Variants in HPSE2 observed in about 807,000 individuals in gnomAD.
HPSE2 encodes heparanase 2 (inactive).
HPSE2 carries 38 observed loss-of-function variants against 60.5 expected under a neutral mutation model. The observed-to-expected ratio is 0.63, with a 90% CI of 0.48 to 0.82. HPSE2 has a LOEUF of 0.82. Ranked by LOEUF, HPSE2 falls within the 40% of genes least tolerant of loss-of-function variation. The pLI, the probability that HPSE2 is intolerant of heterozygous loss-of-function variation, is 0.00. For synonymous variants in HPSE2, 295 were observed against 293.2 expected, an observed-to-expected ratio of 1.01 and a Z score of -0.06; for missense variants, 713 against 740.4, an observed-to-expected ratio of 0.96 and a Z score of 0.43.
intron 6 of HPSE2, among the ~76,000 whole-genome samples, chr10:98,651,755 C>T (rs1946921563): frequency 1.3e-5 from 2 of 150,628 alleles, no homozygotes; most frequent in African/African-American, 2.4e-5. Flanking sequence ...GGGTAGATCC[C>T]CTTTAAAGAA....
At chr10:98,983,781 G>A (rs1956265979) in intron 3 of HPSE2, among the ~76,000 whole-genome samples, 1 of 152,164 alleles carries the variant, frequency 6.6e-6, no homozygotes, top group South Asian at 2.1e-4. Flanking sequence ...GGAAAATCGG[G>A]TCACTCCCAC....
intron 3 of HPSE2, among the ~76,000 whole-genome samples, chr10:98,878,910 C>T (rs7902180): frequency 0.85 from 129,776 of 151,818 alleles, 55,884 homozygotes; most frequent in African/African-American, 0.95. Flanking sequence ...GTGAGAGAGA[C>T]TGGAGGATAG....
intron 3 of HPSE2, among the ~76,000 whole-genome samples, chr10:98,815,624 T>C (rs1247629758): frequency 6.6e-6 from 1 of 152,094 alleles, no homozygotes; most frequent in Non-Finnish European, 1.5e-5. Flanking sequence ...AGAAATAAAA[T>C]GGTCCTTACA....
chr10:98,712,713 C>A (rs1262787676), intron 5 of HPSE2, among the ~76,000 whole-genome samples: 3 of 152,100 alleles, frequency 2.0e-5, no homozygotes, highest in Non-Finnish European at 4.4e-5. Flanking sequence ...ACTTTAAATG[C>A]TTCCCATAGC....
chr10:98,935,666 T>C (rs1330474585), intron 3 of HPSE2, among the ~76,000 whole-genome samples: 2 of 144,254 alleles, frequency 1.4e-5, no homozygotes, highest in Non-Finnish European at 3.0e-5. Context: ...GGAAGCTTCA[T>C]CCCAGAGGGG....
intron 3 of HPSE2, among the ~76,000 whole-genome samples, chr10:99,142,867 C>A (rs1217471597): frequency 6.6e-6 from 1 of 151,944 alleles, no homozygotes. Context: ...AAGGTCTGAC[C>A]CCTCTTATAA....
At chr10:98,781,610 A>T (rs1950472166) in intron 3 of HPSE2, among the ~76,000 whole-genome samples, 2 of 152,220 alleles carry the variant, frequency 1.3e-5, no homozygotes, top group African/African-American at 4.8e-5. Flanking sequence ...AACATATAAA[A>T]ATACATATTT....
chr10:98,644,348 G>T (rs780087486), intron 6 of HPSE2, among the ~76,000 whole-genome samples: 2 of 152,192 alleles, frequency 1.3e-5, no homozygotes, highest in Non-Finnish European at 2.9e-5. Flanking sequence ...ACACTGAAAG[G>T]CCATGGGATG....
intron 6 of HPSE2, among the ~76,000 whole-genome samples, chr10:98,669,930 G>A (rs1391725384): frequency 6.6e-6 from 1 of 152,102 alleles, no homozygotes; most frequent in Non-Finnish European, 1.5e-5. Flanking sequence ...GGTTGAGATG[G>A]GGAGAAAAGA....
At chr10:98,493,069 ATT>A (rs1429418076) in intron 9 of HPSE2, among the ~76,000 whole-genome samples, 1 of 152,098 alleles carries the variant, frequency 6.6e-6, no homozygotes, top group Non-Finnish European at 1.5e-5. Context: ...AACTCATAGT[ATT>A]TGTCTTTTTG....
chr10:98,962,564 T>TGGAAGTTCTGGAAGTTC (rs1955705644), intron 3 of HPSE2, among the ~76,000 whole-genome samples: 2 of 151,076 alleles, frequency 1.3e-5, no homozygotes, highest in South Asian at 4.2e-4. Context: ...CAACATAGTG[T>TGGAAGTTCTGGAAGTTC]TGGAAGTTCT....
At chr10:99,093,144 C>G (rs562844790) in intron 3 of HPSE2, among the ~76,000 whole-genome samples, 17 of 152,172 alleles carry the variant, frequency 1.1e-4, no homozygotes, top group African/African-American at 4.1e-4. Context: ...AGGGGAATCA[C>G]TTGAACCCAG....
rs536421084 is a variant in HPSE2, at chr10:98,980,252, T to A, written c.610+163986A>T. Among the ~76,000 whole-genome samples the A allele has an allele frequency of 4.5e-4, 69 of 152,338 alleles. 1 individual carries two copies. Among genetic ancestry groups the A allele is most frequent in the African/African-American group, 1.6e-3 (66 of 41,582 alleles). ...TTGCTTTAAGAATTAAATAATTATGTTAATCTTTTAGTACATCATAAAGAT... is the reference window on the plus strand; with the variant it reads ...TTGCTTTAAGAATTAAATAATTATGATAATCTTTTAGTACATCATAAAGAT... On this transcript the variant is annotated intron_variant, in intron 3 of 11. Transcript: ENST00000370552.
the HPSE2 span, among the ~76,000 whole-genome samples, chr10:99,305,979 G>GTGCACACACA: frequency 1.2e-5 from 1 of 80,586 alleles, no homozygotes; most frequent in Admixed American, 1.2e-4. Context: ...GCGCGCGCGC[G>GTGCACACACA]CACACACACA....
the HPSE2 span, among the ~76,000 whole-genome samples, chr10:99,298,146 G>A: frequency 6.6e-6 from 1 of 152,106 alleles, no homozygotes; most frequent in Non-Finnish European, 1.5e-5. Flanking sequence ...TCTCTGGCAA[G>A]TCAGAGCCTC....
intron 3 of HPSE2, among the ~76,000 whole-genome samples, chr10:99,032,546 C>T (rs544288094): frequency 4.6e-5 from 7 of 152,186 alleles, no homozygotes; most frequent in African/African-American, 7.2e-5. Context: ...AAACCTATAG[C>T]GGATGAACAT....
chr10:98,755,644 A>T (rs1949861167), intron 3 of HPSE2, among the ~76,000 whole-genome samples: 1 of 152,204 alleles, frequency 6.6e-6, no homozygotes, highest in African/African-American at 2.4e-5. Flanking sequence ...AAAAAATTTT[A>T]AAAAATCATA....
intron 3 of HPSE2, among the ~76,000 whole-genome samples, chr10:99,103,747 C>T (rs1372446692): frequency 2.0e-5 from 3 of 152,134 alleles, no homozygotes; most frequent in Non-Finnish European, 4.4e-5. Flanking sequence ...TACAAGGCTA[C>T]AGTAACCAAA....
intron 3 of HPSE2, among the ~76,000 whole-genome samples, chr10:98,819,064 A>G (rs1951357369): frequency 6.6e-6 from 1 of 152,232 alleles, no homozygotes; most frequent in African/African-American, 2.4e-5. Context: ...CCACTACTAC[A>G]AAAAGCCTGG....
Sources: gnomAD v4.1 joint callset for allele counts (sites outside exome capture counted in the v4.1 genomes callset) on GRCh38, gnomAD v4.1.1 for gene constraint, MANE v1.5 for transcripts, NCBI Gene and HGNC (gene_info 2026-07-23, HGNC 2026-07-21) for gene names.